NLGN1: variants seen among roughly 807,000 people sequenced by gnomAD.
NLGN1 encodes the protein neuroligin 1.
A neutral mutation model predicts 65.5 loss-of-function variants in NLGN1; 12 were observed. The ratio of observed to expected loss-of-function variants is 0.18; its 90% CI spans 0.12 to 0.30. NLGN1 has a LOEUF of 0.30. Ranked by LOEUF, NLGN1 falls within the 10% of genes least tolerant of loss-of-function variation. The probability of loss-of-function intolerance (pLI) is 1.00; values close to 1 mark genes in which losing one functional copy is unlikely to be tolerated. For missense variants in NLGN1, 750 were observed against 1,007.1 expected, an observed-to-expected ratio of 0.74 and a Z score of 3.46; for synonymous variants, 350 against 359.5, an observed-to-expected ratio of 0.97 and a Z score of 0.30.
intron 4 of NLGN1, among the ~76,000 whole-genome samples, chr3:173,906,712 C>A (rs1002200404): frequency 6.6e-6 from 1 of 151,736 alleles, no homozygotes; most frequent in African/African-American, 2.4e-5. Context: ...GTTAGCCAGG[C>A]ATAGTAGGTG....
At chr3:173,878,008 A>G (rs759264628) in intron 4 of NLGN1, among the ~76,000 whole-genome samples, 2 of 152,130 alleles carry the variant, frequency 1.3e-5, no homozygotes, top group Non-Finnish European at 2.9e-5. Context: ...TACAGTTACC[A>G]TAATAATGCT....
chr3:173,816,150 A>G (rs564742039), intron 4 of NLGN1, among the ~76,000 whole-genome samples: 17 of 151,578 alleles, frequency 1.1e-4, no homozygotes, highest in African/African-American at 3.9e-4. Flanking sequence ...TAATTATTAT[A>G]AGATTATAGC....
chr3:174,244,931 T>A (rs6797547), intron 4 of NLGN1, among the ~76,000 whole-genome samples: 18,288 of 152,178 alleles, frequency 0.12, 1,889 homozygotes, highest in African/African-American at 0.27. Context: ...GCAGGAATGA[T>A]TCTAGCCTCA....
intron 2 of NLGN1, among the ~76,000 whole-genome samples, chr3:173,509,027 C>T (rs898100617): frequency 6.6e-6 from 1 of 152,084 alleles, no homozygotes; most frequent in African/African-American, 2.4e-5. Flanking sequence ...TCCATCATCC[C>T]AAGTCCATCA....
intron 3 of NLGN1, among the ~76,000 whole-genome samples, chr3:173,733,107 C>T (rs1773131125): frequency 2.0e-5 from 3 of 151,958 alleles, no homozygotes; most frequent in Admixed American, 6.6e-5. Flanking sequence ...TTTAGCAAAA[C>T]AACTTAAATC....
At chr3:173,830,099 TATCTG>T (rs1241560035) in intron 4 of NLGN1, among the ~76,000 whole-genome samples, 2 of 152,138 alleles carry the variant, frequency 1.3e-5, no homozygotes, top group African/African-American at 2.4e-5. Context: ...TAGTTGAACT[TATCTG>T]AGCATGTGAA....
chr3:173,475,802 A>G (rs996571754), intron 2 of NLGN1, among the ~76,000 whole-genome samples: 3 of 152,202 alleles, frequency 2.0e-5, no homozygotes, highest in Non-Finnish European at 4.4e-5. Context: ...TGTGATGTAA[A>G]TACTCTAATC....
At chr3:173,667,233 G>A (rs1327006196) in intron 3 of NLGN1, among the ~76,000 whole-genome samples, 4 of 92,232 alleles carry the variant, frequency 4.3e-5, no homozygotes, top group Non-Finnish European at 6.2e-5. Context: ...TGAAACACAC[G>A]CATATGCACA....
chr3:173,516,113 A>G (rs1733769656), intron 2 of NLGN1, among the ~76,000 whole-genome samples: 1 of 152,084 alleles, frequency 6.6e-6, no homozygotes, highest in Non-Finnish European at 1.5e-5. Flanking sequence ...TATATATAGA[A>G]TGTACCATCT....
At chr3:173,810,483 G>A (rs1560418094) in intron 4 of NLGN1, among the ~76,000 whole-genome samples, 1 of 152,132 alleles carries the variant, frequency 6.6e-6, no homozygotes, top group Non-Finnish European at 1.5e-5. Context: ...AATAGATTTG[G>A]GGGTCCAATG....
intron 2 of NLGN1, among the ~76,000 whole-genome samples, chr3:173,544,714 G>A (rs1739477759): frequency 6.6e-6 from 1 of 152,054 alleles, no homozygotes; most frequent in South Asian, 2.1e-4. Flanking sequence ...ATACAGATTT[G>A]GAATTTTCAG....
At chr3:173,978,847 A>T (rs1425155549) in intron 4 of NLGN1, among the ~76,000 whole-genome samples, 3 of 150,812 alleles carry the variant, frequency 2.0e-5, no homozygotes, top group Non-Finnish European at 4.4e-5. Flanking sequence ...AAAAAAAAAA[A>T]AAAAAAAAAA....
intron 4 of NLGN1, among the ~76,000 whole-genome samples, chr3:174,260,339 A>G (rs1451568061): frequency 1.3e-5 from 2 of 148,888 alleles, no homozygotes; most frequent in Admixed American, 1.3e-4. Flanking sequence ...CATCCTCTCC[A>G]GCACCTGTTG....
chr3:173,549,662 CTTG>C (rs1383043530), intron 2 of NLGN1, among the ~76,000 whole-genome samples: 1 of 152,016 alleles, frequency 6.6e-6, no homozygotes, highest in Non-Finnish European at 1.5e-5. Context: ...TCATGCAATA[CTTG>C]TTGTAAAAAT....
At chr3:173,571,456 CTTT>C (rs1744642416) in intron 2 of NLGN1, among the ~76,000 whole-genome samples, 2 of 152,258 alleles carry the variant, frequency 1.3e-5, no homozygotes, top group South Asian at 4.1e-4. Flanking sequence ...AGGTGTCACA[CTTT>C]TTATGTTGCA....
intron 4 of NLGN1, among the ~76,000 whole-genome samples, chr3:174,019,112 T>C (rs1727219319): frequency 6.6e-6 from 1 of 152,182 alleles, no homozygotes; most frequent in South Asian, 2.1e-4. Context: ...AATATGTATG[T>C]TATTGAATTT....
At chr3:174,125,734 CA>C (rs2054216080) in intron 4 of NLGN1, among the ~76,000 whole-genome samples, 1 of 151,984 alleles carries the variant, frequency 6.6e-6, no homozygotes, top group Non-Finnish European at 1.5e-5. Flanking sequence ...ATAAAAGAAG[CA>C]GATAAAACTT....
intron 4 of NLGN1, among the ~76,000 whole-genome samples, chr3:173,955,724 A>G (rs2152336820): frequency 6.6e-6 from 1 of 152,308 alleles, no homozygotes; most frequent in African/African-American, 2.4e-5. Context: ...AAGAAGACTA[A>G]TATTACTAAC....
chr3:174,090,797 C>T (rs1744365613), intron 4 of NLGN1, among the ~76,000 whole-genome samples: 1 of 151,960 alleles, frequency 6.6e-6, no homozygotes, highest in African/African-American at 2.4e-5. Context: ...GATTCAGCCC[C>T]TTGCTACTCG....
Sources: gnomAD v4.1 joint callset for allele counts (sites outside exome capture counted in the v4.1 genomes callset) on GRCh38, gnomAD v4.1.1 for gene constraint, MANE v1.5 for transcripts, NCBI Gene and HGNC (gene_info 2026-07-23, HGNC 2026-07-21) for gene names.